Variants in REL observed in about 807,000 individuals in gnomAD.
The protein encoded by REL is REL proto-oncogene, NF-kB subunit, also known as proto-oncogene c-Rel.
A neutral mutation model predicts 45.9 loss-of-function variants in REL; 15 were observed. The observed-to-expected ratio is 0.33, with a 90% CI of 0.22 to 0.50. The LOEUF (loss-of-function observed/expected upper bound fraction) is 0.50, where lower values mean the gene tolerates loss of function less well. Among genes scored for constraint, REL ranks in the 20% least tolerant of loss-of-function variants. The pLI is 0.98. For synonymous variants in REL, 239 were observed against 242.1 expected, an observed-to-expected ratio of 0.99 and a Z score of 0.12; for missense variants, 601 against 715.2, an observed-to-expected ratio of 0.84 and a Z score of 1.82.
chr2:60,885,539 C>T (rs1673051512), intron 1 of REL, among the ~76,000 whole-genome samples: 2 of 152,124 alleles, frequency 1.3e-5, no homozygotes, highest in Non-Finnish European at 2.9e-5. Context: ...CTGAAAATTT[C>T]CTTTCTTTGA....
rs1339155693 is a variant in REL, at chr2:60,905,395, G to A, written c.394+4312G>A. Among the ~76,000 whole-genome samples the A allele has an allele frequency of 3.3e-5, 5 of 152,036 alleles. No individual in the cohort carries two copies. The East Asian group carries it at 9.6e-4, about 29-fold the overall frequency. On this transcript the variant is annotated intron_variant, in intron 4 of 9. Transcript: ENST00000394479. Reference sequence around the variant, plus strand: ...AGGCATGAGCCACCACACCCAGCCTGTTTGCAAATTCATTCCTTCCCGAGC... The same window carrying A: ...AGGCATGAGCCACCACACCCAGCCTATTTGCAAATTCATTCCTTCCCGAGC...
intron 4 of REL, among the ~76,000 whole-genome samples, chr2:60,910,732 G>A (rs1016343509): frequency 6.6e-6 from 1 of 152,010 alleles, no homozygotes. Context: ...AGGAGTTCCA[G>A]ACCACCTTGG....
intron 1 of REL, among the ~76,000 whole-genome samples, chr2:60,886,839 G>A (rs965811201): frequency 9.2e-5 from 14 of 152,072 alleles, no homozygotes; most frequent in Admixed American, 8.5e-4. Context: ...TAAAAACATA[G>A]ATATATCTTA....
rs908744953 is a variant in REL, at chr2:60,923,589, A to G, written c.*1054A>G. ...CTCCAACTCAGTAAATGGCAATGCC[A>G]TACTTCTGGTTGCTCAGGCCAAAAA... On this transcript the variant is annotated 3_prime_UTR_variant, in exon 10 of 10. Transcript: ENST00000394479. 2.7e-4 allele frequency: 63 copies of G among 232,732 alleles called. No individual in the cohort carries two copies. The highest frequency in any genetic ancestry group is 1.3e-3 in the African/African-American group (59 of 45,324). 14.4% of individuals were successfully genotyped at this position (232,732 alleles called of 1,614,324 possible).
intron 3 of REL, chr2:60,899,433 G>A (rs1389371960): frequency 5.3e-5 from 8 of 152,178 alleles, no homozygotes; most frequent in South Asian, 2.1e-4. Context: ...GCAGTGAGCC[G>A]GTATGGTGCC....
intron 3 of REL, chr2:60,899,039 A>G (rs999000977): frequency 6.6e-6 from 1 of 152,254 alleles, no homozygotes; most frequent in Non-Finnish European, 1.5e-5. Flanking sequence ...TTCAGATGAA[A>G]CAAAATGAAG....
At chr2:60,887,923 G>T (rs1673109283) in intron 1 of REL, among the ~76,000 whole-genome samples, 1 of 150,026 alleles carries the variant, frequency 6.7e-6, no homozygotes, top group Non-Finnish European at 1.5e-5. Flanking sequence ...TGTTGTTTTT[G>T]TGTTTTGTTT....
At position 60,918,422 on chromosome 2, in the gene REL, C is replaced by T. The variant is rs1188194261; in HGVS notation, c.669C>T (p.Asn223=). 26 of 1,611,238 alleles carry T rather than the reference C, an allele frequency of 1.6e-5. No homozygotes were observed. Among genetic ancestry groups the T allele is most frequent in the East Asian group, 4.5e-5 (2 of 44,788 alleles). Residue 223 remains asparagine (N), a synonymous_variant, in exon 7 of 10, where the codon AAC becomes AAT. Transcript: ENST00000394479. ...ACATAGAAGTTCGTTTTGTGTTGAA[C>T]GATTGGGAAGCAAAAGGCATCTTTT... ...KDDIEVRFVL[N]DWEAKGIFSQ... is the part of the protein sequence containing the mutation.
In REL at chr2:60,922,635, TATATAATACTGACTGAGA is replaced by T; in HGVS notation, c.*112_*129del. 7.3e-7 allele frequency: 1 copy of T among 1,376,176 alleles called. No individual in the cohort carries two copies. The highest frequency in any genetic ancestry group is 9.4e-7 in the Non-Finnish European group (1 of 1,058,636). The allele number at this position is 1,376,176 out of a possible 1,614,324, so 85.2% of individuals were successfully genotyped here. ...GATATAATACTATATTTATACTGTA[TATATAATACTGACTGAGA>T]ATATAATACTGTATTTGAGAATATA... is the stretch of plus-strand genomic sequence containing the variant. On this transcript the variant is annotated 3_prime_UTR_variant, in exon 10 of 10. Transcript: ENST00000394479.
intron 4 of REL, among the ~76,000 whole-genome samples, chr2:60,914,031 A>G (rs1486187251): frequency 6.6e-6 from 1 of 152,260 alleles, no homozygotes; most frequent in Non-Finnish European, 1.5e-5. Flanking sequence ...TAGTGGAGAT[A>G]CATCAGACAT....
intron 4 of REL, among the ~76,000 whole-genome samples, chr2:60,907,913 C>G (rs865855380): frequency 6.6e-6 from 1 of 151,656 alleles, no homozygotes; most frequent in Non-Finnish European, 1.5e-5. Context: ...AGGATGGCCT[C>G]GGTCTCCTGA....
chr2:60,920,267 T>C (rs994760332), intron 8 of REL, 158 bp downstream of exon 8: 2 of 648,200 alleles, frequency 3.1e-6, no homozygotes, highest in Admixed American at 3.0e-5. Flanking sequence ...AGTAGGGCAA[T>C]CTCAACTCAC....
At chr2:60,891,948 C>CA (rs2103928091) in intron 2 of REL, 123 bp downstream of exon 2, 3 of 822,096 alleles carry the variant, frequency 3.6e-6, no homozygotes, top group Non-Finnish European at 5.2e-6. Context: ...TTCTTTTTTC[C>CA]TTTTTTTTTT....
intron 4 of REL, among the ~76,000 whole-genome samples, chr2:60,910,350 A>G (rs997548397): frequency 2.4e-4 from 36 of 151,944 alleles, no homozygotes; most frequent in African/African-American, 7.7e-4. Context: ...CTGTAGTCCC[A>G]GCTACTCGGG....
chr2:60,923,956 C>T lies in REL; in HGVS notation c.*1421C>T, dbSNP rs1385588680. ...TCCTTAAAAGTTGCAGGCCTAGACT[C>T]CCTGTCCTACCTCAGGTACCACCAT... On this transcript the variant is annotated 3_prime_UTR_variant, in exon 10 of 10. Transcript: ENST00000394479. 4.3e-6 allele frequency: 1 copy of T among 233,016 alleles called. No individual in the cohort carries two copies. The highest frequency in any genetic ancestry group is 8.5e-6 in the Non-Finnish European group (1 of 117,936). 14.4% of individuals were successfully genotyped at this position (233,016 alleles called of 1,614,324 possible).
At chr2:60,900,921 CTA>C in intron 3 of REL, 69 bp from the exon 4 acceptor site, 1 of 1,272,944 alleles carries the variant, frequency 7.9e-7, no homozygotes, top group Non-Finnish European at 1.1e-6. Flanking sequence ...TTCAGTATTG[CTA>C]TATGTTTGAT....
chr2:60,912,970 T>A (rs1370805777), intron 4 of REL, among the ~76,000 whole-genome samples: 2 of 152,114 alleles, frequency 1.3e-5, no homozygotes, highest in African/African-American at 4.8e-5. Context: ...TAAAAGTGAA[T>A]CAACATTTTA....
chr2:60,886,303 A>C (rs1394706006), intron 1 of REL, among the ~76,000 whole-genome samples: 1 of 152,178 alleles, frequency 6.6e-6, no homozygotes, highest in African/African-American at 2.4e-5. Context: ...ACTCTGTTCT[A>C]GGGATTTCTT....
rs1216520033 is a variant in REL at position 60,925,718 on chromosome 2, A to C, written c.*3183A>C. The C allele has an allele frequency of 1.5e-5, 3 of 198,792 alleles. No homozygotes were observed. The highest frequency in any genetic ancestry group is 6.0e-5 in the Admixed American group (1 of 16,542). The allele number at this position is 198,792 out of a possible 1,614,324, so 12.3% of individuals were successfully genotyped here. A position where few individuals can be genotyped will look rare whatever the true frequency, so the allele number is the denominator to read the frequency against. On this transcript the variant is annotated 3_prime_UTR_variant, in exon 10 of 10. Coordinates refer to ENST00000394479, the MANE Select transcript of REL (RefSeq NM_001291746.2). Reference sequence around the variant, plus strand: ...GAGATTTTTTTTTTTTTTAATACAGAATCTCATAGTTTTGGATTAATTAGC... The same window carrying C: ...GAGATTTTTTTTTTTTTTAATACAGCATCTCATAGTTTTGGATTAATTAGC...
Sources: gnomAD v4.1 joint callset for allele counts (sites outside exome capture counted in the v4.1 genomes callset) on GRCh38, gnomAD v4.1.1 for gene constraint, MANE v1.5 for transcripts, NCBI Gene and HGNC (gene_info 2026-07-23, HGNC 2026-07-21) for gene names.